CUBN: variants seen among roughly 807,000 people sequenced by gnomAD.
CUBN encodes the protein 460 kDa receptor.
CUBN carries 282 observed loss-of-function variants against 405.3 expected under a neutral mutation model. That is an observed-to-expected ratio of 0.70 (90% CI 0.63 to 0.77). CUBN has a LOEUF of 0.77. Among genes scored for constraint, CUBN ranks in the 30% least tolerant of loss-of-function variants. The probability of loss-of-function intolerance (pLI) is 0.00; values close to 1 mark genes in which losing one functional copy is unlikely to be tolerated. For missense variants in CUBN, 4,514 were observed against 4,475.2 expected (o/e 1.01, Z -0.25); for synonymous variants, 1,684 against 1,617.0 (o/e 1.04, Z -0.99).
intron 28 of CUBN, among the ~76,000 whole-genome samples, chr10:16,999,532 G>A (rs1345339584): frequency 1.3e-5 from 2 of 152,108 alleles, no homozygotes; most frequent in African/African-American, 4.8e-5. Flanking sequence ...CCTCTCCTTG[G>A]ATGTTTTTGA....
intron 56 of CUBN, among the ~76,000 whole-genome samples, chr10:16,883,278 C>T (rs1010324582): frequency 3.3e-5 from 5 of 152,104 alleles, no homozygotes; most frequent in African/African-American, 4.8e-5. Context: ...AGTTCCATTG[C>T]GCACGAAGGC....
At chr10:17,106,219 A>T (rs774098238) in intron 10 of CUBN, among the ~76,000 whole-genome samples, 2 of 151,656 alleles carry the variant, frequency 1.3e-5, no homozygotes, top group African/African-American at 2.4e-5. Context: ...CAGGAGGCAG[A>T]GGTTGTAGTG....
intron 28 of CUBN, among the ~76,000 whole-genome samples, chr10:17,018,680 C>T (rs1834409386): frequency 1.3e-5 from 2 of 152,196 alleles, no homozygotes; most frequent in Non-Finnish European, 2.9e-5. Flanking sequence ...TGCCCACGTC[C>T]TGCTGATTGG....
At chr10:16,825,628 A>AAT (rs556747460) in intron 66 of CUBN, among the ~76,000 whole-genome samples, 1 of 135,926 alleles carries the variant, frequency 7.4e-6, no homozygotes, top group African/African-American at 2.8e-5. Context: ...TCTGTGGAAC[A>AAT]GTGTGTGTGT....
At chr10:16,854,177 G>A (rs570610140) in intron 59 of CUBN, among the ~76,000 whole-genome samples, 2 of 152,328 alleles carry the variant, frequency 1.3e-5, no homozygotes, top group Admixed American at 6.5e-5. Flanking sequence ...AATGGAATTG[G>A]CATTGGCAAT....
At chr10:16,983,479 G>A (rs1321831622) in intron 30 of CUBN, among the ~76,000 whole-genome samples, 1 of 152,190 alleles carries the variant, frequency 6.6e-6, no homozygotes, top group East Asian at 1.9e-4. Flanking sequence ...GGTAAGATGA[G>A]GATATGAAGC....
At chr10:16,874,875 G>T (rs1300636027) in intron 57 of CUBN, among the ~76,000 whole-genome samples, 1 of 152,132 alleles carries the variant, frequency 6.6e-6, no homozygotes, top group African/African-American at 2.4e-5. Context: ...TACGGAAAAG[G>T]CGGCCAGAAT....
At position 16,937,707 on chromosome 10, in the gene CUBN, A is replaced by C. The variant is rs374485216; in HGVS notation, c.5811T>G (p.Thr1937=). 1.9e-6 allele frequency: 3 copies of C among 1,614,178 alleles called. No homozygotes were observed. The highest frequency in any genetic ancestry group is 2.5e-6 in the Non-Finnish European group (3 of 1,180,012). ...CGTQTESFSS[T]GNSLTFHFYS... The stretch of plus-strand genomic sequence containing the variant: ...AAAAATGAAATGTCAAAGAATTTCC[A>C]GTGGAGCTGAAAGATTCAGTCTGGG... The change falls in exon 39 of 67, where the codon ACT becomes ACG. Residue 1937 remains threonine, a synonymous_variant. Coordinates refer to ENST00000377833, the MANE Select transcript of CUBN (RefSeq NM_001081.4).
At chr10:17,066,021 T>C (rs1374968292) in intron 21 of CUBN, among the ~76,000 whole-genome samples, 1 of 152,194 alleles carries the variant, frequency 6.6e-6, no homozygotes, top group African/African-American at 2.4e-5. Flanking sequence ...AACTCATAGA[T>C]CACTCAATCC....
At chr10:16,995,069 C>CG (rs1833695014) in intron 28 of CUBN, among the ~76,000 whole-genome samples, 1 of 152,072 alleles carries the variant, frequency 6.6e-6, no homozygotes, top group Non-Finnish European at 1.5e-5. Context: ...CCAGCCTGGG[C>CG]GACAGAGCAA....
chr10:17,088,895 G>A (rs1317205035), intron 14 of CUBN, among the ~76,000 whole-genome samples: 1 of 152,144 alleles, frequency 6.6e-6, no homozygotes, highest in African/African-American at 2.4e-5. Flanking sequence ...GCAAGTGAGG[G>A]ACTGAGCCAG....
intron 31 of CUBN, among the ~76,000 whole-genome samples, chr10:16,974,606 C>G (rs191222590): frequency 6.6e-6 from 1 of 152,038 alleles, no homozygotes; most frequent in African/African-American, 2.4e-5. Context: ...CTCCTGACCT[C>G]GTGATCCCCC....
rs1194699470 is a variant in CUBN, at chr10:16,940,136, G to T, written c.5444C>A (p.Ser1815Tyr). 1 of 1,614,112 alleles carries T rather than the reference G, an allele frequency of 6.2e-7. No homozygotes were observed. The change falls in exon 37 of 67, where the codon TCC (serine) becomes TAC (tyrosine). Residue 1815 changes from serine (S) to tyrosine (Y), a missense_variant. Ser to Tyr is a moderately radical substitution (Grantham distance 144). Transcript: ENST00000377833. The stretch of plus-strand genomic sequence containing the variant: ...GATGGAAGAATAATTGAGAGGGAAG[G>T]AGTTTCCACAGTATCGTCCCACCAA... ...GHLVGRYCGN[S>Y]FPLNYSSIVG...
At chr10:16,829,595 C>G (rs1423229993) in intron 65 of CUBN, among the ~76,000 whole-genome samples, 2 of 152,114 alleles carry the variant, frequency 1.3e-5, no homozygotes, top group African/African-American at 4.8e-5. Context: ...TCAAATACTT[C>G]AAGTTTTGGT....
intron 58 of CUBN, among the ~76,000 whole-genome samples, chr10:16,872,357 TATAG>T (rs1554785659): frequency 2.0e-5 from 3 of 151,272 alleles, no homozygotes; most frequent in Non-Finnish European, 2.9e-5. Context: ...TACATATATA[TATAG>T]ATAGATAGAC....
chr10:16,902,446 G>A (rs1045403206), intron 51 of CUBN, among the ~76,000 whole-genome samples: 4 of 149,788 alleles, frequency 2.7e-5, no homozygotes, highest in Non-Finnish European at 5.9e-5. Context: ...AATTCCATAC[G>A]GTATTAGCAT....
At chr10:17,087,460 A>ATTTTTT (rs1564510318) in intron 15 of CUBN, among the ~76,000 whole-genome samples, 4 of 99,098 alleles carry the variant, frequency 4.0e-5, no homozygotes, top group East Asian at 2.8e-4. Flanking sequence ...AATCACTATT[A>ATTTTTT]TTTTTCTTTT....
intron 28 of CUBN, among the ~76,000 whole-genome samples, chr10:17,017,169 C>G (rs975620219): frequency 2.0e-5 from 3 of 152,100 alleles, no homozygotes; most frequent in African/African-American, 7.2e-5. Flanking sequence ...TGTTTTGTTT[C>G]TCCCTCTGCC....
intron 14 of CUBN, among the ~76,000 whole-genome samples, chr10:17,095,196 T>A (rs1221934175): frequency 6.6e-6 from 1 of 151,918 alleles, no homozygotes; most frequent in African/African-American, 2.4e-5. Context: ...AAACTGGATA[T>A]CCATTTGCAG....
Sources: gnomAD v4.1 joint callset for allele counts (sites outside exome capture counted in the v4.1 genomes callset) on GRCh38, gnomAD v4.1.1 for gene constraint, MANE v1.5 for transcripts, NCBI Gene and HGNC (gene_info 2026-07-23, HGNC 2026-07-21) for gene names.